SPAG6: variants seen among roughly 807,000 people sequenced by gnomAD.
SPAG6 encodes the protein sperm-associated antigen 6.
In SPAG6, 49 loss-of-function variants were observed where a neutral mutation model predicts 58.5. That is an observed-to-expected ratio of 0.84 (90% confidence interval 0.67 to 1.06). The LOEUF (loss-of-function observed/expected upper bound fraction) is 1.06. Among genes scored for constraint, SPAG6 ranks in the 50% least tolerant of loss-of-function variants. The pLI is 0.00. For synonymous variants in SPAG6, 233 were observed against 225.6 expected, an observed-to-expected ratio of 1.03 and a Z score of -0.29; for missense variants, 560 against 611.3, an observed-to-expected ratio of 0.92 and a Z score of 0.89.
intron 2 of SPAG6, among the ~76,000 whole-genome samples, chr10:22,349,609 T>C (rs998408922): frequency 2.0e-5 from 3 of 152,226 alleles, no homozygotes; most frequent in African/African-American, 7.2e-5. Context: ...CTTAGCTATA[T>C]AAAATACACT....
intron 2 of SPAG6, among the ~76,000 whole-genome samples, chr10:22,356,560 G>A (rs909992311): frequency 6.6e-6 from 1 of 152,130 alleles, no homozygotes; most frequent in East Asian, 1.9e-4. Flanking sequence ...TTTATCTCTT[G>A]CTACCTCACT....
In SPAG6 at chr10:22,386,910, C is replaced by T. The variant is rs867658030; in HGVS notation, c.629C>T (p.Ala210Val). The T allele has an allele frequency of 6.2e-7, 1 of 1,613,768 alleles. No individual in the cohort carries two copies. The highest frequency in any genetic ancestry group is 8.5e-7 in the Non-Finnish European group (1 of 1,179,780). ...GCACAGACAGTAGTGGATGCAGGAGCTGTTGCTCATTTAGCCCAGATGATC... is the reference window on the plus strand; with the variant it reads ...GCACAGACAGTAGTGGATGCAGGAGTTGTTGCTCATTTAGCCCAGATGATC... ...ELAQTVVDAG[A>V]VAHLAQMILN... Residue 210 changes from alanine (A) to valine (V), a missense_variant, in exon 5 of 11, where the codon GCT (alanine) becomes GTT (valine). By Grantham distance (64) the Ala-to-Val change is moderately conservative (BLOSUM62 0). Coordinates refer to ENST00000376624, the MANE Select transcript of SPAG6 (RefSeq NM_012443.4).
intron 2 of SPAG6, among the ~76,000 whole-genome samples, chr10:22,364,044 G>A (rs2132047738): frequency 6.6e-6 from 1 of 152,242 alleles, no homozygotes; most frequent in African/African-American, 2.4e-5. Flanking sequence ...TGACCACAAT[G>A]CAAATACTAT....
rs1232038323 is a variant in SPAG6, at chr10:22,407,534, T to A, written c.1315-3497T>A. Among the ~76,000 whole-genome samples, 541 of 152,330 alleles carry A rather than the reference T, an allele frequency of 3.6e-3. 1 individual carries two copies. Among genetic ancestry groups the A allele is most frequent in the African/African-American group, 0.013 (523 of 41,550 alleles). ...TGTTAGTCTGATGGGCTTCCCTTTG[T>A]GGGTAACCTGACCTTTCTCTCTGGC... On this transcript the variant is annotated intron_variant, in intron 9 of 10. Transcript: ENST00000376624.
chr10:22,357,305 A>T (rs1445675097), intron 2 of SPAG6, among the ~76,000 whole-genome samples: 9 of 152,114 alleles, frequency 5.9e-5, no homozygotes, highest in African/African-American at 1.4e-4. Context: ...ACATCATAGC[A>T]TGTTGGGATT....
intron 2 of SPAG6, among the ~76,000 whole-genome samples, 195 bp from the exon 3 acceptor site, chr10:22,364,658 G>GT (rs1195979092): frequency 1.3e-5 from 2 of 152,256 alleles, no homozygotes; most frequent in Non-Finnish European, 2.9e-5. Context: ...TCTACTGCAT[G>GT]TTTAACAATG....
At chr10:22,363,242 A>G (rs1451682344) in intron 2 of SPAG6, among the ~76,000 whole-genome samples, 2 of 152,252 alleles carry the variant, frequency 1.3e-5, no homozygotes, top group Non-Finnish European at 2.9e-5. Context: ...AGAGATGGAC[A>G]ATTTTTTTAA....
chr10:22,353,108 AGT>A (rs1836776119), intron 2 of SPAG6, among the ~76,000 whole-genome samples: 1 of 152,246 alleles, frequency 6.6e-6, no homozygotes, highest in Non-Finnish European at 1.5e-5. Context: ...ACAGTAGTGA[AGT>A]GTGAATAAAA....
intron 8 of SPAG6, among the ~76,000 whole-genome samples, chr10:22,400,885 G>T (rs1255959014): frequency 6.6e-6 from 1 of 151,934 alleles, no homozygotes; most frequent in Non-Finnish European, 1.5e-5. Context: ...CTGTAACTTT[G>T]TGCTTTATAA....
chr10:22,356,997 T>C lies in SPAG6; in HGVS notation c.122-7856T>C, dbSNP rs1836888189. Among the ~76,000 whole-genome samples the C allele has an allele frequency of 3.9e-5, 6 of 152,364 alleles. No homozygotes were observed. The South Asian group carries it at 1.2e-3, about 32-fold the overall frequency. On this transcript the variant is annotated intron_variant, in intron 2 of 10. Coordinates refer to ENST00000376624, the MANE Select transcript of SPAG6 (RefSeq NM_012443.4). ...TGTCTCTATTTATCTCTTAGCCTTT[T>C]TCTCCAGCTTCCTGTCTCCCTTCTT...
At chr10:22,370,767 T>C (rs900289487) in intron 4 of SPAG6, among the ~76,000 whole-genome samples, 26 of 152,236 alleles carry the variant, frequency 1.7e-4, no homozygotes, top group Non-Finnish European at 2.9e-5. Context: ...CTTAAGACTA[T>C]TGTTTAGTAC....
At chr10:22,406,466 C>G (rs1001107087) in intron 9 of SPAG6, among the ~76,000 whole-genome samples, 1 of 152,102 alleles carries the variant, frequency 6.6e-6, no homozygotes, top group African/African-American at 2.4e-5. Context: ...GATTCTTAAT[C>G]CTGAGTTCTA....
At chr10:22,396,200 C>T (rs533297633) in intron 8 of SPAG6, among the ~76,000 whole-genome samples, 91 of 152,312 alleles carry the variant, frequency 6.0e-4, no homozygotes, top group African/African-American at 1.9e-3. Context: ...AGCCAAATCT[C>T]ATCTTGAATT....
intron 2 of SPAG6, chr10:22,361,355 A>C (rs1320498789): frequency 6.6e-6 from 1 of 152,392 alleles, no homozygotes; most frequent in Admixed American, 6.5e-5. Context: ...CCTTATATTA[A>C]TATTCAGTGA....
At chr10:22,397,159 G>A (rs886917493) in intron 8 of SPAG6, among the ~76,000 whole-genome samples, 43 of 151,832 alleles carry the variant, frequency 2.8e-4, no homozygotes, top group African/African-American at 9.7e-4. Flanking sequence ...TAAAACCAAC[G>A]TGTGACATGA....
intron 8 of SPAG6, among the ~76,000 whole-genome samples, chr10:22,394,528 T>C (rs1427524567): frequency 2.6e-5 from 4 of 152,174 alleles, no homozygotes; most frequent in Admixed American, 2.6e-4. Flanking sequence ...TTGGGTATGT[T>C]TACAGAATTA....
At chr10:22,350,895 A>G (rs1160235950) in intron 2 of SPAG6, among the ~76,000 whole-genome samples, 1 of 152,262 alleles carries the variant, frequency 6.6e-6, no homozygotes, top group Admixed American at 6.5e-5. Flanking sequence ...TTTTGGAAGT[A>G]GTAATTGTTT....
intron 2 of SPAG6, among the ~76,000 whole-genome samples, chr10:22,351,976 C>T (rs1351726638): frequency 2.6e-5 from 4 of 151,828 alleles, no homozygotes; most frequent in East Asian, 1.9e-4. Context: ...ATTGAGACCA[C>T]GGTGAAACCC....
chr10:22,382,718 C>A (rs1204656839), intron 4 of SPAG6, among the ~76,000 whole-genome samples: 1 of 152,042 alleles, frequency 6.6e-6, no homozygotes, highest in African/African-American at 2.4e-5. Flanking sequence ...AAATAAGAAA[C>A]TTTCTGCTAT....
Sources: allele counts gnomAD v4.1 joint callset (sites outside exome capture counted in the v4.1 genomes callset), GRCh38; gene constraint gnomAD v4.1.1; transcripts MANE v1.5; gene names NCBI Gene and HGNC (gene_info 2026-07-23, HGNC 2026-07-21).